Variants in ADAMTS9 observed in about 807,000 individuals in gnomAD.
ADAMTS9 encodes the protein ADAM metallopeptidase with thrombospondin type 1 motif 9, also known as A disintegrin and metalloproteinase with thrombospondin motifs 9.
ADAMTS9 carries 107 observed loss-of-function variants against 257.1 expected under a neutral mutation model. The observed-to-expected ratio is 0.42, with a 90% CI of 0.36 to 0.49. The LOEUF (loss-of-function observed/expected upper bound fraction) is 0.49, where lower values mean the gene tolerates loss of function less well. Ranked by LOEUF, ADAMTS9 falls within the 20% of genes least tolerant of loss-of-function variation. ADAMTS9 has a pLI of 0.03. For missense variants in ADAMTS9, 2,353 were observed against 2,469.1 expected (o/e 0.95, Z 1.00); for synonymous variants, 982 against 880.9 (o/e 1.11, Z -2.03).
chr3:64,659,229 A>G (rs1381020660), intron 3 of ADAMTS9, among the ~76,000 whole-genome samples: 1 of 152,172 alleles, frequency 6.6e-6, no homozygotes, highest in Non-Finnish European at 1.5e-5. Flanking sequence ...GCACTTTGGG[A>G]GGCCGAGGCA....
rs757426598 is a variant in ADAMTS9 at position 64,604,290 on chromosome 3, C to T, written c.3516G>A (p.Pro1172=). The change falls in exon 24 of 40, where the codon CCG becomes CCA. Residue 1172 remains proline (P), a synonymous_variant. Coordinates refer to ENST00000498707, the MANE Select transcript of ADAMTS9 (RefSeq NM_182920.2). ...LPSCHPPPAA[P]ETRRSTYSAP... ...CACTGTATGTGCTTCTCCTCGTTTC[C>T]GGGGCAGCTGGGGGAGGATGACATG... 9 of 1,612,940 alleles carry T rather than the reference C, an allele frequency of 5.6e-6. No individual in the cohort carries two copies. The highest frequency in any genetic ancestry group is 3.3e-5 in the South Asian group (3 of 90,886).
intron 32 of ADAMTS9, among the ~76,000 whole-genome samples, chr3:64,546,545 ACTGT>A (rs1488106908): frequency 5.3e-5 from 8 of 152,158 alleles, no homozygotes; most frequent in Non-Finnish European, 1.0e-4. Context: ...TCAGATCCAG[ACTGT>A]CTGGCTTCAG....
At chr3:64,664,722 C>G (rs1435523610) in intron 3 of ADAMTS9, among the ~76,000 whole-genome samples, 1 of 152,220 alleles carries the variant, frequency 6.6e-6, no homozygotes, top group Non-Finnish European at 1.5e-5. Flanking sequence ...AAGAACATTG[C>G]TGCTATGAAC....
chr3:64,562,157 G>T (rs993293540), intron 29 of ADAMTS9, among the ~76,000 whole-genome samples: 4 of 152,162 alleles, frequency 2.6e-5, no homozygotes, highest in Non-Finnish European at 5.9e-5. Flanking sequence ...TGTACAAGAA[G>T]AATTTCTTGG....
chr3:64,591,639 T>C (rs2106783036), intron 28 of ADAMTS9, among the ~76,000 whole-genome samples: 1 of 152,294 alleles, frequency 6.6e-6, no homozygotes, highest in Non-Finnish European at 1.5e-5. Flanking sequence ...AGAAGCTTCA[T>C]TTTAGGGATG....
At chr3:64,617,022 AC>A (rs1699957968) in intron 19 of ADAMTS9, among the ~76,000 whole-genome samples, 1 of 152,280 alleles carries the variant, frequency 6.6e-6, no homozygotes, top group South Asian at 2.1e-4. Flanking sequence ...GTCAGAGTTG[AC>A]CATCTGGCAA....
chr3:64,542,890 G>C lies in ADAMTS9; in HGVS notation c.5065-920C>G, dbSNP rs1447986649. The stretch of plus-strand genomic sequence containing the variant: ...CTAGCAAGACTAATAAAGAAGAAAA[G>C]AGAGAAGAATCAAATAGACACAATA... On this transcript the variant is annotated intron_variant, in intron 32 of 39. Transcript: ENST00000498707. 1.8e-4 allele frequency among the ~76,000 whole-genome samples: 27 copies of C among 150,664 alleles called. No individual in the cohort carries two copies. The East Asian group carries it at 5.1e-3, about 28-fold the overall frequency.
intron 11 of ADAMTS9, among the ~76,000 whole-genome samples, chr3:64,643,929 T>G (rs908014608): frequency 3.3e-5 from 5 of 152,074 alleles, no homozygotes; most frequent in African/African-American, 1.2e-4. Context: ...AGACAAAACT[T>G]AACAAAATAC....
At chr3:64,623,153 C>T (rs1399496480) in intron 16 of ADAMTS9, among the ~76,000 whole-genome samples, 1 of 152,142 alleles carries the variant, frequency 6.6e-6, no homozygotes, top group African/African-American at 2.4e-5. Context: ...CCCAACGAGC[C>T]TTGTGGCATG....
chr3:64,608,202 A>AGTATTT (rs2084593843), intron 22 of ADAMTS9, among the ~76,000 whole-genome samples: 1 of 150,078 alleles, frequency 6.7e-6, no homozygotes, highest in Admixed American at 6.6e-5. Flanking sequence ...AAGATCTCAA[A>AGTATTT]TCCACAACCT....
intron 3 of ADAMTS9, among the ~76,000 whole-genome samples, chr3:64,679,441 G>A (rs1249546560): frequency 6.6e-6 from 1 of 152,204 alleles, no homozygotes; most frequent in African/African-American, 2.4e-5. Context: ...ATACAACAGA[G>A]TTAGGAATGG....
At position 64,596,957 on chromosome 3, in the gene ADAMTS9, C is replaced by T. The variant is rs1389833545; in HGVS notation, c.4052G>A (p.Arg1351His). 3.1e-6 allele frequency: 5 copies of T among 1,613,750 alleles called. No individual in the cohort carries two copies. The African/African-American group carries it at 5.3e-5, about 17-fold the overall frequency. ...ATTTTCATCCTGACATACAACAACACGCCGCTGGGATCCGCCAGCACAGGT... is the reference window on the plus strand; with the variant it reads ...ATTTTCATCCTGACATACAACAACATGCCGCTGGGATCCGCCAGCACAGGT... ...SSTCAGGSQR[R>H]VVVCQDENGY... The change falls in exon 27 of 40, where the codon CGT (arginine) becomes CAT (histidine). Residue 1351 changes from arginine (R) to histidine (H), a missense_variant. Around this residue, in one of 3 missense-constraint regions of ADAMTS9, gnomAD observed 1,402 missense variants for 1,441.4 expected, o/e 0.97. Coordinates refer to ENST00000498707, the MANE Select transcript of ADAMTS9 (RefSeq NM_182920.2).
At chr3:64,685,634 G>A (rs1223744300) in intron 2 of ADAMTS9, among the ~76,000 whole-genome samples, 1 of 152,216 alleles carries the variant, frequency 6.6e-6, no homozygotes, top group Non-Finnish European at 1.5e-5. Context: ...GGCACATGCG[G>A]GGGTCGACAG....
chr3:64,683,444 A>G (rs148135949), intron 2 of ADAMTS9, among the ~76,000 whole-genome samples: 8 of 152,244 alleles, frequency 5.3e-5, no homozygotes, highest in Non-Finnish European at 8.8e-5. Context: ...GATCAGAAAG[A>G]CCCGGTTGAA....
At chr3:64,556,306 C>G (rs1002484743) in intron 30 of ADAMTS9, among the ~76,000 whole-genome samples, 1 of 152,104 alleles carries the variant, frequency 6.6e-6, no homozygotes, top group African/African-American at 2.4e-5. Context: ...CAGAGTTTGA[C>G]TGTGCTTTTA....
At chr3:64,630,823 G>A (rs188490321) in intron 16 of ADAMTS9, among the ~76,000 whole-genome samples, 1 of 152,274 alleles carries the variant, frequency 6.6e-6, no homozygotes, top group African/African-American at 2.4e-5. Context: ...ACTGGGCTGA[G>A]CAAACTGTTG....
At chr3:64,573,623 T>C (rs1320817541) in intron 28 of ADAMTS9, among the ~76,000 whole-genome samples, 1 of 152,248 alleles carries the variant, frequency 6.6e-6, no homozygotes, top group Non-Finnish European at 1.5e-5. Flanking sequence ...TTGTATCTTT[T>C]CATACAACAA....
At chr3:64,570,692 T>C (rs1251349877) in intron 28 of ADAMTS9, among the ~76,000 whole-genome samples, 1 of 60,948 alleles carries the variant, frequency 1.6e-5, no homozygotes, top group Admixed American at 3.1e-4. Context: ...CAAGACTCCG[T>C]CTCAAAAAAA....
At chr3:64,649,554 G>T in intron 10 of ADAMTS9, 83 bp downstream of exon 10, 2 of 1,454,830 alleles carry the variant, frequency 1.4e-6, no homozygotes, top group Non-Finnish European at 9.2e-7. Context: ...GTTTATAGTC[G>T]AGTTAGAATG....
Sources: gnomAD v4.1 joint callset for allele counts (sites outside exome capture counted in the v4.1 genomes callset) on GRCh38, gnomAD v4.1.1 for gene constraint, gnomAD v4.1.1 regional missense constraint, MANE v1.5 for transcripts, NCBI Gene and HGNC (gene_info 2026-07-23, HGNC 2026-07-21) for gene names.